Variants in IFT20 observed in about 807,000 individuals in gnomAD.
The protein encoded by IFT20 is intraflagellar transport 20.
IFT20 carries 4 observed loss-of-function variants against 16.9 expected under a neutral mutation model. The ratio of observed to expected loss-of-function variants is 0.24; its 90% CI spans 0.12 to 0.54. The LOEUF is 0.54. Among genes scored for constraint, IFT20 ranks in the 20% least tolerant of loss-of-function variants. The probability of loss-of-function intolerance (pLI) is 0.95; values close to 1 mark genes in which losing one functional copy is unlikely to be tolerated. For missense variants in IFT20, 154 were observed against 149.7 expected (o/e 1.03, Z -0.15); for synonymous variants, 48 against 49.9 (o/e 0.96, Z 0.16).
chr17:28,328,562 G>C lies in IFT20; in HGVS notation c.*90C>G, dbSNP rs956438084. ...CCACCTCTTGTGACATAGGTCATTG[G>C]TCAAGCCGCTGGAATGCTACAGAGG... On this transcript the variant is annotated 3_prime_UTR_variant, in exon 5 of 5. Coordinates refer to ENST00000395418, the MANE Select transcript of IFT20 (RefSeq NM_001267776.2). 3 of 796,118 alleles carry C rather than the reference G, an allele frequency of 3.8e-6. No homozygotes were observed. Among genetic ancestry groups the C allele is most frequent in the South Asian group, 3.2e-5 (2 of 62,950 alleles). 49.3% of individuals were successfully genotyped at this position (796,118 alleles called of 1,614,324 possible). A position where few individuals can be genotyped will look rare whatever the true frequency, so the allele number is the denominator to read the frequency against.
rs1014247359 is a variant in IFT20, at chr17:28,328,566, A to G, written c.*86T>C. On this transcript the variant is annotated 3_prime_UTR_variant, in exon 5 of 5. Coordinates refer to ENST00000395418, the MANE Select transcript of IFT20 (RefSeq NM_001267776.2). The stretch of plus-strand genomic sequence containing the variant: ...CTCTTGTGACATAGGTCATTGGTCA[A>G]GCCGCTGGAATGCTACAGAGGTTTT... 8 of 815,338 alleles carry G rather than the reference A, an allele frequency of 9.8e-6. No homozygotes were observed. The Admixed American group carries it at 1.3e-4, about 13-fold the overall frequency. 50.5% of individuals were successfully genotyped at this position (815,338 alleles called of 1,614,324 possible). A position where few individuals can be genotyped will look rare whatever the true frequency, so the allele number is the denominator to read the frequency against.
At chr17:28,332,234 C>G in intron 1 of IFT20, 1 of 1,534,818 alleles carries the variant, frequency 6.5e-7, no homozygotes, top group Non-Finnish European at 8.7e-7. Flanking sequence ...GAGCAAGGGT[C>G]AGGAAAGAAT....
At chr17:28,332,966 T>C (rs1163470963) in intron 1 of IFT20, among the ~76,000 whole-genome samples, 2 of 152,006 alleles carry the variant, frequency 1.3e-5, no homozygotes, top group African/African-American at 4.8e-5. Context: ...AACAGAGAAC[T>C]AACAGAGATA....
At chr17:28,331,688 CAT>C (rs1555576565) in intron 2 of IFT20, 169 bp downstream of exon 2, 2 of 739,774 alleles carry the variant, frequency 2.7e-6, no homozygotes, top group African/African-American at 1.8e-5. Context: ...GTTGGGGACA[CAT>C]GAGAGCACAA....
rs1450901431 is a variant in IFT20, at chr17:28,328,378, C to CA, written c.*273dup. The CA allele has an allele frequency of 2.5e-4, 82 of 327,614 alleles. No homozygotes were observed. The highest frequency in any genetic ancestry group is 6.7e-4 in the African/African-American group (31 of 46,114). 20.3% of individuals were successfully genotyped at this position (327,614 alleles called of 1,614,324 possible). The stretch of plus-strand genomic sequence containing the variant: ...CTCCTTCCAAAGCTTTGTGAATTTA[C>CA]AAAAAAAAGGATGAAAGTTTACAAA... On this transcript the variant is annotated 3_prime_UTR_variant, in exon 5 of 5. Transcript: ENST00000395418.
intron 1 of IFT20, 92 bp from the exon 2 acceptor site, chr17:28,332,079 C>T: frequency 1.2e-6 from 2 of 1,609,176 alleles, no homozygotes; most frequent in Non-Finnish European, 1.7e-6. Context: ...CCTTGGACAC[C>T]AATGCCAAAA....
chr17:28,330,460 C>G lies in IFT20; in HGVS notation c.196G>C (p.Glu66Gln), dbSNP rs1555576369. 6.2e-7 allele frequency: 1 copy of G among 1,613,588 alleles called. No individual in the cohort carries two copies. Residue 66 changes from glutamate to glutamine, a missense_variant, in exon 3 of 5, where the codon GAA becomes CAA. Transcript: ENST00000395418. ...ELVDQLAKEA[E>Q]NEKMKAIGAR... ...GATCTTACCTTCATCTTTTCATTTTCTGCTTCTTTTGCAAGTTGATCAACA... is the reference window on the plus strand; with the variant it reads ...GATCTTACCTTCATCTTTTCATTTTGTGCTTCTTTTGCAAGTTGATCAACA...
At chr17:28,330,056 T>A in intron 3 of IFT20, 2 of 491,606 alleles carry the variant, frequency 4.1e-6, no homozygotes, top group South Asian at 3.0e-5. Flanking sequence ...GAAAACTCCG[T>A]CTCAAAAAAA....
chr17:28,330,407 A>G (rs377033229), intron 3 of IFT20, 36 bp downstream of exon 3: 2 of 1,477,524 alleles, frequency 1.4e-6, no homozygotes, highest in East Asian at 4.5e-5. Flanking sequence ...CTAGGGTCCC[A>G]GGCCAAGATG....
intron 4 of IFT20, 59 bp downstream of exon 4, chr17:28,329,114 A>G (rs2142365051): frequency 8.7e-7 from 1 of 1,155,268 alleles, no homozygotes; most frequent in Middle Eastern, 2.0e-4. Flanking sequence ...TGATCATTCC[A>G]GAAGGAAGAG....
Position 28,329,264 on chromosome 17 carries a change from G to A in IFT20, c.226C>T (p.Arg76Trp), listed in dbSNP as rs781854543. The change falls in exon 4 of 5, where the codon CGG becomes TGG. Residue 76 changes from arginine (R) to tryptophan (W), a missense_variant. By Grantham distance (101) the Arg-to-Trp change is moderately radical. Coordinates refer to ENST00000395418, the MANE Select transcript of IFT20 (RefSeq NM_001267776.2). ...TTTGCTATAGATTTGAGCAAGTTCC[G>A]AGCACCGATGGCCTACAGTATTGCC... is the stretch of plus-strand genomic sequence containing the variant. ...ENEKMKAIGA[R>W]NLLKSIAKQR... 2.6e-5 allele frequency: 42 copies of A among 1,613,620 alleles called. No individual in the cohort carries two copies. Among genetic ancestry groups the A allele is most frequent in the Middle Eastern group, 3.3e-4 (2 of 6,072 alleles).
intron 2 of IFT20, 122 bp downstream of exon 2, chr17:28,331,737 C>A: frequency 7.8e-7 from 1 of 1,290,250 alleles, no homozygotes; most frequent in South Asian, 1.3e-5. Flanking sequence ...TGGGAACTCA[C>A]AGACGCCAGA....
intron 2 of IFT20, 131 bp downstream of exon 2, chr17:28,331,728 G>T: frequency 8.9e-7 from 1 of 1,127,194 alleles, no homozygotes; most frequent in Non-Finnish European, 1.3e-6. Flanking sequence ...GGTGGCACGT[G>T]GGAACTCACA....
chr17:28,332,271 C>T lies in IFT20; in HGVS notation c.-2-284G>A, dbSNP rs758537013. 2.3e-5 allele frequency: 33 copies of T among 1,460,226 alleles called. No homozygotes were observed. The East Asian group carries it at 4.7e-4, about 21-fold the overall frequency. 90.5% of individuals were successfully genotyped at this position (1,460,226 alleles called of 1,614,324 possible). On this transcript the variant is annotated intron_variant, in intron 1 of 4. Coordinates refer to ENST00000395418, the MANE Select transcript of IFT20 (RefSeq NM_001267776.2). ...AAGTCCGCTTGCTTGTCACAGGCAT[C>T]GTTCATTCAACACACATTTCTTGAG...
intron 1 of IFT20, among the ~76,000 whole-genome samples, chr17:28,334,565 C>G (rs1907007190): frequency 6.6e-6 from 1 of 152,272 alleles, no homozygotes; most frequent in Non-Finnish European, 1.5e-5. Context: ...AAAGATCACT[C>G]TTGCTCAGCC....
chr17:28,329,342 G>T, intron 3 of IFT20, 66 bp from the exon 4 acceptor site: 2 of 1,257,328 alleles, frequency 1.6e-6, no homozygotes, highest in Non-Finnish European at 2.3e-6. Context: ...TCCTCAAAGT[G>T]GGGAGGGGTT....
In IFT20 at chr17:28,330,501, C is replaced by G. The variant is rs1906700979; in HGVS notation, c.155G>C (p.Gly52Ala). Reference protein sequence around the residue: ...DKIGQFQKIVGGLIELVDQLA... With the variant: ...DKIGQFQKIVAGLIELVDQLA... ...TTGATCAACAAGCTCAATTAAACCA[C>G]CAACTATTTTCTGAAACTGGCCAAT... Residue 52 changes from glycine to alanine, a missense_variant, in exon 3 of 5, where the codon GGT (glycine) becomes GCT (alanine). By Grantham distance (60) the Gly-to-Ala change is moderately conservative. Coordinates refer to ENST00000395418, the MANE Select transcript of IFT20 (RefSeq NM_001267776.2). 1.2e-6 allele frequency: 2 copies of G among 1,613,468 alleles called. No individual in the cohort carries two copies. The highest frequency in any genetic ancestry group is 1.1e-5 in the South Asian group (1 of 91,038).
chr17:28,330,109 AC>A (rs1906648800), intron 3 of IFT20: 1 of 587,604 alleles, frequency 1.7e-6, no homozygotes. Context: ...GGTGGCACAC[AC>A]CTGTAGTCCC....
intron 1 of IFT20, chr17:28,332,472 C>G: frequency 2.7e-6 from 1 of 371,920 alleles, no homozygotes. Flanking sequence ...GAGGACAGAG[C>G]CATTAATGAA....
Sources: gnomAD v4.1 joint callset for allele counts (sites outside exome capture counted in the v4.1 genomes callset) on GRCh38, gnomAD v4.1.1 for gene constraint, MANE v1.5 for transcripts, NCBI Gene and HGNC (gene_info 2026-07-23, HGNC 2026-07-21) for gene names.